Variants in TMEM209 observed in about 807,000 individuals in gnomAD.
The protein encoded by TMEM209 is testicular tissue protein Li 202.
In TMEM209, 65 loss-of-function variants were observed where a neutral mutation model predicts 76.2. The observed-to-expected ratio is 0.85, with a 90% CI of 0.70 to 1.05. The LOEUF (loss-of-function observed/expected upper bound fraction) is 1.05. TMEM209 is among the 50% of genes least tolerant of loss of function. The pLI is 0.00. For synonymous variants in TMEM209, 239 were observed against 237.6 expected (o/e 1.01, Z -0.06); for missense variants, 623 against 685.5 (o/e 0.91, Z 1.02).
chr7:130,166,803 A>T (rs1169102597), intron 14 of TMEM209, among the ~76,000 whole-genome samples: 3 of 152,196 alleles, frequency 2.0e-5, no homozygotes, highest in African/African-American at 7.2e-5. Flanking sequence ...GCAAGATTAA[A>T]GTAAAAGTAT....
chr7:130,175,359 G>T, intron 11 of TMEM209, 153 bp downstream of exon 11: 1 of 606,730 alleles, frequency 1.6e-6, no homozygotes, highest in South Asian at 2.6e-5. Context: ...TACTTGGGAG[G>T]CTGAGCTGGG....
At chr7:130,181,851 G>A (rs1797431359) in intron 8 of TMEM209, 132 bp from the exon 9 acceptor site, 4 of 657,328 alleles carry the variant, frequency 6.1e-6, no homozygotes, top group Non-Finnish European at 1.0e-5. Context: ...GAATCATAAA[G>A]TATAGTGAAA....
chr7:130,195,040 G>A (rs1483695287), intron 5 of TMEM209, among the ~76,000 whole-genome samples: 1 of 151,808 alleles, frequency 6.6e-6, no homozygotes, highest in Non-Finnish European at 1.5e-5. Context: ...TTTGCTTACG[G>A]GCCATAATAT....
chr7:130,172,276 C>G (rs1454029965), intron 13 of TMEM209, among the ~76,000 whole-genome samples: 1 of 152,088 alleles, frequency 6.6e-6, no homozygotes, highest in Non-Finnish European at 1.5e-5. Flanking sequence ...ACTTTTAGAA[C>G]TCTGGACTAA....
chr7:130,184,372 C>T, intron 7 of TMEM209, 117 bp from the exon 8 acceptor site: 1 of 636,772 alleles, frequency 1.6e-6, no homozygotes, highest in Non-Finnish European at 2.6e-6. Context: ...ATTTCCCAAA[C>T]ATCAATATTC....
At chr7:130,204,344 T>C (rs1584704460) in intron 1 of TMEM209, among the ~76,000 whole-genome samples, 1 of 152,168 alleles carries the variant, frequency 6.6e-6, no homozygotes, top group East Asian at 1.9e-4. Context: ...GCTGGTTATT[T>C]ATCTATTTAT....
intron 3 of TMEM209, 80 bp from the exon 4 acceptor site, chr7:130,202,743 C>A: frequency 7.1e-7 from 1 of 1,416,096 alleles, no homozygotes; most frequent in South Asian, 1.6e-5. Context: ...CTATACTTAG[C>A]AAACTAAAAT....
intron 10 of TMEM209, among the ~76,000 whole-genome samples, chr7:130,177,897 G>T (rs570041418): frequency 6.6e-6 from 1 of 152,126 alleles, no homozygotes; most frequent in African/African-American, 2.4e-5. Flanking sequence ...TCTAAAACTT[G>T]TCTTAGTGAT....
rs766149383 is a variant in TMEM209 at position 130,166,053 on chromosome 7, TA to T, written c.*397del. On this transcript the variant is annotated 3_prime_UTR_variant, in exon 15 of 15. Coordinates refer to ENST00000397622, the MANE Select transcript of TMEM209 (RefSeq NM_032842.4). ...AGTCTGCGTTGACAGAGACCCTCTC[TA>T]AAAAAAAAAAAGACTGAAAAAAATT... 5.2e-3 allele frequency: 728 copies of T among 138,726 alleles called. No homozygotes were observed. Among genetic ancestry groups the T allele is most frequent in the South Asian group, 6.6e-3 (30 of 4,522 alleles). The allele number at this position is 138,726 out of a possible 1,614,324, so 8.6% of individuals were successfully genotyped here.
Position 130,202,040 on chromosome 7 carries a change from G to A in TMEM209, c.383C>T (p.Ala128Val), listed in dbSNP as rs765305061. ...HDLAATQIPP[A>V]PPSPSIQGQS... ...ACCCTGAATTGAAGGGGAAGGTGGA[G>A]CGGGAGGGATTTGGGTTGCTGCCAG... Residue 128 changes from alanine (A) to valine (V), a missense_variant, in exon 5 of 15, where the codon GCT becomes GTT. Coordinates refer to ENST00000397622, the MANE Select transcript of TMEM209 (RefSeq NM_032842.4). 9.9e-6 allele frequency: 16 copies of A among 1,613,842 alleles called. No homozygotes were observed. The Admixed American group carries it at 2.3e-4, about 24-fold the overall frequency.
chr7:130,201,937 G>A lies in TMEM209; in HGVS notation c.486C>T (p.Tyr162=), dbSNP rs753231450. The A allele has an allele frequency of 3.3e-5, 53 of 1,613,830 alleles. No individual in the cohort carries two copies. The highest frequency in any genetic ancestry group is 2.5e-4 in the Admixed American group (15 of 59,994). ...PKFTTSCMTG[Y]SPQLQGLSSG... ...AGGACAGACCTTGCAGCTGAGGGCT[G>A]TAACCAGTCATACAGCTGGTGGTGA... The change falls in exon 5 of 15, where the codon TAC becomes TAT. Residue 162 remains tyrosine (Y), a synonymous_variant. Coordinates refer to ENST00000397622, the MANE Select transcript of TMEM209 (RefSeq NM_032842.4).
chr7:130,201,564 A>G (rs1304072710), intron 5 of TMEM209, among the ~76,000 whole-genome samples: 1 of 152,252 alleles, frequency 6.6e-6, no homozygotes, highest in African/African-American at 2.4e-5. Flanking sequence ...AACAGGAGTA[A>G]AAGCAACTAA....
At chr7:130,172,199 T>C (rs1043077765) in intron 13 of TMEM209, among the ~76,000 whole-genome samples, 4 of 152,164 alleles carry the variant, frequency 2.6e-5, no homozygotes, top group Admixed American at 2.6e-4. Flanking sequence ...TACAATAACC[T>C]TTATTATAAA....
chr7:130,186,271 A>G (rs1230962154), intron 6 of TMEM209, among the ~76,000 whole-genome samples: 3 of 152,202 alleles, frequency 2.0e-5, no homozygotes, highest in African/African-American at 7.2e-5. Context: ...AAATAATAAA[A>G]CTCATTTTCC....
In TMEM209 at chr7:130,175,520, C is replaced by T. The variant is rs779168837; in HGVS notation, c.1336G>A (p.Asp446Asn). The change falls in exon 11 of 15, where the codon GAT becomes AAT. Residue 446 changes from aspartate to asparagine, a missense_variant. Coordinates refer to ENST00000397622, the MANE Select transcript of TMEM209 (RefSeq NM_032842.4). ...GRKWDTDLPT[D>N]SAIIMHVFCT... is the part of the protein sequence containing the mutation. The stretch of plus-strand genomic sequence containing the variant: ...AGAATCTAGGGGCTTACAGCAGAAT[C>T]GGTGGGCAGGTCTGTATCCCACTTT... 8.1e-6 allele frequency: 13 copies of T among 1,611,810 alleles called. No individual in the cohort carries two copies. Among genetic ancestry groups the T allele is most frequent in the Middle Eastern group, 1.7e-4 (1 of 6,060 alleles).
At chr7:130,199,076 A>C (rs1401903972) in intron 5 of TMEM209, among the ~76,000 whole-genome samples, 24 of 152,194 alleles carry the variant, frequency 1.6e-4, no homozygotes, top group Admixed American at 1.6e-3. Flanking sequence ...GGGATTGTGA[A>C]TCTAACTATT....
chr7:130,203,885 A>G (rs1162060501), intron 2 of TMEM209, 39 bp from the exon 3 acceptor site: 5 of 1,590,772 alleles, frequency 3.1e-6, no homozygotes, highest in Admixed American at 3.7e-5. Flanking sequence ...TGAACCTAAA[A>G]ACACCAAAAA....
chr7:130,200,594 T>C (rs1798154963), intron 5 of TMEM209, among the ~76,000 whole-genome samples: 1 of 152,228 alleles, frequency 6.6e-6, no homozygotes. Context: ...TATTTTTGTG[T>C]GGCAGGACTA....
At chr7:130,187,234 C>T (rs1036671521) in intron 6 of TMEM209, among the ~76,000 whole-genome samples, 3 of 151,078 alleles carry the variant, frequency 2.0e-5, no homozygotes, top group African/African-American at 7.3e-5. Flanking sequence ...CAGAGCTAGA[C>T]TCTATCTCAA....
Sources: allele counts gnomAD v4.1 joint callset (sites outside exome capture counted in the v4.1 genomes callset), GRCh38; gene constraint gnomAD v4.1.1; transcripts MANE v1.5; gene names NCBI Gene and HGNC (gene_info 2026-07-23, HGNC 2026-07-21).